The following SSH2 variants were observed in gnomAD, a reference collection of about 807,000 sequenced individuals.
SSH2 encodes the protein protein phosphatase Slingshot homolog 2.
A neutral mutation model predicts 135.2 loss-of-function variants in SSH2; 37 were observed. The ratio of observed to expected loss-of-function variants is 0.27; its 90% CI spans 0.21 to 0.36. The LOEUF (loss-of-function observed/expected upper bound fraction) is 0.36, where lower values mean the gene tolerates loss of function less well. Ranked by LOEUF, SSH2 falls within the 10% of genes least tolerant of loss-of-function variation. The probability of loss-of-function intolerance (pLI) is 1.00; values close to 1 mark genes in which losing one functional copy is unlikely to be tolerated. For synonymous variants in SSH2, 628 were observed against 646.2 expected, an observed-to-expected ratio of 0.97 and a Z score of 0.43; for missense variants, 1,408 against 1,765.3, an observed-to-expected ratio of 0.80 and a Z score of 3.63.
intron 2 of SSH2, among the ~76,000 whole-genome samples, chr17:29,797,516 G>C (rs1365410347): frequency 4.6e-5 from 7 of 152,074 alleles, no homozygotes; most frequent in Non-Finnish European, 1.0e-4. Context: ...TTATCGCTGA[G>C]GATTCCATCA....
chr17:29,815,270 C>T (rs1463486312), intron 2 of SSH2, among the ~76,000 whole-genome samples: 1 of 151,722 alleles, frequency 6.6e-6, no homozygotes, highest in Non-Finnish European at 1.5e-5. Context: ...ATTACAGGCA[C>T]AGGCCACCAC....
intron 3 of SSH2, among the ~76,000 whole-genome samples, chr17:29,784,018 A>AT (rs2041900886): frequency 8.6e-6 from 1 of 116,494 alleles, no homozygotes; most frequent in Admixed American, 1.0e-4. Flanking sequence ...GTGAGCCGAG[A>AT]TCCCGCCACT....
At chr17:29,638,394 G>A (rs897535429) in intron 14 of SSH2, among the ~76,000 whole-genome samples, 4 of 151,296 alleles carry the variant, frequency 2.6e-5, no homozygotes, top group African/African-American at 9.7e-5. Flanking sequence ...TGAAATTAGT[G>A]TCTATGTTAG....
At chr17:29,845,339 A>G (rs7223455) in intron 2 of SSH2, among the ~76,000 whole-genome samples, 129,650 of 152,146 alleles carry the variant, frequency 0.85, 55,254 homozygotes, top group Middle Eastern at 0.92. Context: ...TTCAAATTAC[A>G]AAGAAGCTCT....
At chr17:29,689,395 T>C (rs2038369293) in intron 5 of SSH2, among the ~76,000 whole-genome samples, 1 of 152,220 alleles carries the variant, frequency 6.6e-6, no homozygotes, top group South Asian at 2.1e-4. Flanking sequence ...ATTTCCAATG[T>C]TTCTTCAGTC....
At chr17:29,637,310 G>A (rs998633633) in intron 14 of SSH2, among the ~76,000 whole-genome samples, 3 of 152,104 alleles carry the variant, frequency 2.0e-5, no homozygotes, top group Admixed American at 6.6e-5. Flanking sequence ...TGTTGACCAG[G>A]CTGGTCTTGA....
intron 3 of SSH2, among the ~76,000 whole-genome samples, chr17:29,722,099 A>C (rs1288369078): frequency 6.6e-6 from 1 of 151,770 alleles, no homozygotes; most frequent in Non-Finnish European, 1.5e-5. Flanking sequence ...AGATGGTGAA[A>C]CCCCATCTCT....
intron 3 of SSH2, among the ~76,000 whole-genome samples, chr17:29,731,608 G>A (rs1479319104): frequency 1.3e-5 from 2 of 151,906 alleles, no homozygotes; most frequent in Admixed American, 6.6e-5. Flanking sequence ...GGCATGCGCC[G>A]CTACACCCGG....
intron 3 of SSH2, among the ~76,000 whole-genome samples, chr17:29,760,494 A>C (rs1436267716): frequency 1.3e-5 from 2 of 152,212 alleles, no homozygotes; most frequent in Non-Finnish European, 2.9e-5. Context: ...GCTAAACCAC[A>C]GTGGAATGAC....
intron 1 of SSH2, among the ~76,000 whole-genome samples, chr17:29,901,656 A>G (rs1466837061): frequency 6.6e-6 from 1 of 151,966 alleles, no homozygotes; most frequent in Non-Finnish European, 1.5e-5. Flanking sequence ...AATCTTACTA[A>G]TATGTCTCAG....
intron 3 of SSH2, among the ~76,000 whole-genome samples, chr17:29,725,347 CA>C (rs11449000): frequency 5.7e-5 from 3 of 52,782 alleles, no homozygotes; most frequent in South Asian, 1.2e-3. Context: ...AATCAGTCTC[CA>C]AAAAAAAAAA....
chr17:29,805,104 T>C (rs2042317042), intron 2 of SSH2, among the ~76,000 whole-genome samples: 1 of 151,234 alleles, frequency 6.6e-6, no homozygotes, highest in African/African-American at 2.4e-5. Context: ...AGAACTTTTT[T>C]AGTAACAAAA....
rs1202149185 is a variant in SSH2 at position 29,696,172 on chromosome 17, T to TAC, written c.293-650_293-649insGT. On this transcript the variant is annotated intron_variant, in intron 4 of 15. Transcript: ENST00000540801. ...ATATTATAATGAGAGTATGTATATATATACACACACACACACACACACACA... is the reference window on the plus strand; with the variant it reads ...ATATTATAATGAGAGTATGTATATATACATACACACACACACACACACACACA... 2.3e-3 allele frequency among the ~76,000 whole-genome samples: 264 copies of TAC among 116,620 alleles called. 1 individual carries two copies. Among genetic ancestry groups the TAC allele is most frequent in the South Asian group, 0.015 (50 of 3,312 alleles). The allele number at this position is 116,620 out of a possible 152,430, so 76.5% of individuals were successfully genotyped here.
chr17:29,835,940 T>C (rs9897330), intron 2 of SSH2, among the ~76,000 whole-genome samples: 80,807 of 143,898 alleles, frequency 0.56, 22,750 homozygotes, highest in East Asian at 0.69. Flanking sequence ...GCCTGGGCGA[T>C]AGAGCAAGAC....
At position 29,844,256 on chromosome 17, in the gene SSH2, G is replaced by A. The variant is rs146309981; in HGVS notation, c.144+4593C>T. 9.4e-3 allele frequency among the ~76,000 whole-genome samples: 1,428 copies of A among 152,222 alleles called. 12 individuals carry two copies. The highest frequency in any genetic ancestry group is 0.02 in the Middle Eastern group (6 of 294). On this transcript the variant is annotated intron_variant, in intron 2 of 15. Coordinates refer to ENST00000540801, the MANE Select transcript of SSH2 (RefSeq NM_001282129.2). The stretch of plus-strand genomic sequence containing the variant: ...TCTATATATGACCTTCTGCCTGTTT[G>A]GTTGGGTAGGGGTTGGGGTGAGAAG...
intron 2 of SSH2, among the ~76,000 whole-genome samples, chr17:29,806,267 T>C (rs986807582): frequency 6.6e-6 from 1 of 152,232 alleles, no homozygotes; most frequent in Non-Finnish European, 1.5e-5. Context: ...CATGTAGGTA[T>C]GATTATAGCC....
chr17:29,889,462 A>C (rs1599147495), intron 1 of SSH2, among the ~76,000 whole-genome samples: 1 of 152,022 alleles, frequency 6.6e-6, no homozygotes, highest in Middle Eastern at 3.4e-3. Flanking sequence ...CAAACAAAAA[A>C]CCAAAAAACT....
At chr17:29,783,341 A>T (rs1179507056) in intron 3 of SSH2, among the ~76,000 whole-genome samples, 2 of 137,732 alleles carry the variant, frequency 1.5e-5, no homozygotes, top group Admixed American at 7.4e-5. Flanking sequence ...TATATATGTA[A>T]AGGAGAATTT....
intron 8 of SSH2, among the ~76,000 whole-genome samples, chr17:29,674,586 T>C (rs1219138168): frequency 2.6e-5 from 4 of 152,174 alleles, no homozygotes; most frequent in Non-Finnish European, 5.9e-5. Context: ...CCACACATCA[T>C]CTATTTTTTT....
Sources: allele counts gnomAD v4.1 joint callset (sites outside exome capture counted in the v4.1 genomes callset), GRCh38; gene constraint gnomAD v4.1.1; transcripts MANE v1.5; gene names NCBI Gene and HGNC (gene_info 2026-07-23, HGNC 2026-07-21).